Variants in GRM7 observed in about 807,000 individuals in gnomAD.
The protein encoded by GRM7 is metabotropic glutamate receptor 7.
GRM7 carries 35 observed loss-of-function variants against 84.5 expected under a neutral mutation model. The ratio of observed to expected loss-of-function variants is 0.41; its 90% CI spans 0.32 to 0.55. The LOEUF (loss-of-function observed/expected upper bound fraction) is 0.55. GRM7 is among the 20% of genes least tolerant of loss of function. The probability of loss-of-function intolerance (pLI) is 0.19; values close to 1 mark genes in which losing one functional copy is unlikely to be tolerated. For synonymous variants in GRM7, 487 were observed against 455.1 expected (o/e 1.07, Z -0.89); for missense variants, 1,003 against 1,194.6 (o/e 0.84, Z 2.36).
intron 9 of GRM7, among the ~76,000 whole-genome samples, chr3:7,726,625 A>G (rs1156390812): frequency 2.2e-5 from 1 of 46,190 alleles, no homozygotes; most frequent in African/African-American, 8.9e-5. Flanking sequence ...ATATATATAT[A>G]TATATATATA....
At chr3:7,714,886 G>C (rs1365258633) in intron 9 of GRM7, among the ~76,000 whole-genome samples, 1 of 152,158 alleles carries the variant, frequency 6.6e-6, no homozygotes, top group African/African-American at 2.4e-5. Context: ...GTTTGCAGGT[G>C]CAAAATGCTA....
intron 2 of GRM7, among the ~76,000 whole-genome samples, chr3:7,195,566 G>T (rs1278145001): frequency 2.0e-5 from 3 of 152,128 alleles, no homozygotes; most frequent in African/African-American, 7.2e-5. Flanking sequence ...TGGGAGCCAT[G>T]GAATTAAATT....
intron 1 of GRM7, among the ~76,000 whole-genome samples, chr3:6,981,576 A>G (rs1694200806): frequency 6.6e-6 from 1 of 152,198 alleles, no homozygotes; most frequent in African/African-American, 2.4e-5. Flanking sequence ...GATGGAGGGA[A>G]GGCACCTTCC....
chr3:7,075,650 T>C (rs1355528548), intron 1 of GRM7, among the ~76,000 whole-genome samples: 1 of 151,878 alleles, frequency 6.6e-6, no homozygotes, highest in Non-Finnish European at 1.5e-5. Flanking sequence ...CTCAACCTCC[T>C]GAGTAGCTGG....
chr3:6,983,476 GA>G (rs779742557), intron 1 of GRM7, among the ~76,000 whole-genome samples: 18 of 151,902 alleles, frequency 1.2e-4, no homozygotes, highest in Non-Finnish European at 2.4e-4. Flanking sequence ...GAAGTTAATT[GA>G]TTTTTTTTAA....
chr3:6,980,105 A>G (rs1311015296), intron 1 of GRM7, among the ~76,000 whole-genome samples: 5 of 152,080 alleles, frequency 3.3e-5, no homozygotes, highest in Non-Finnish European at 7.4e-5. Flanking sequence ...TATTTTTCTA[A>G]CTTCATATAT....
At chr3:7,674,914 G>A (rs868751108) in intron 8 of GRM7, among the ~76,000 whole-genome samples, 42 of 152,218 alleles carry the variant, frequency 2.8e-4, no homozygotes, top group South Asian at 1.0e-3. Context: ...TGTACAAGTA[G>A]TGGAAGAGTA....
chr3:7,102,183 G>A lies in GRM7; in HGVS notation c.520-44269G>A, dbSNP rs79397187. On this transcript the variant is annotated intron_variant, in intron 1 of 9. Transcript: ENST00000357716. ...CCTTCAGCCTAAAAAAGTGGTTTTA[G>A]CATTTCTTGCATGCAGTTCTGCTGC... 7.7e-3 allele frequency among the ~76,000 whole-genome samples: 1,170 copies of A among 151,752 alleles called. 18 individuals carry two copies. Among genetic ancestry groups the A allele is most frequent in the African/African-American group, 0.027 (1,107 of 41,470 alleles).
chr3:7,496,478 A>C (rs1305896758), intron 7 of GRM7, among the ~76,000 whole-genome samples: 1 of 152,222 alleles, frequency 6.6e-6, no homozygotes, highest in Non-Finnish European at 1.5e-5. Context: ...AAACAAGCTG[A>C]GAAACTTTTC....
chr3:7,099,713 TGTGCAC>T (rs1574902567), intron 1 of GRM7, among the ~76,000 whole-genome samples: 1 of 83,592 alleles, frequency 1.2e-5, no homozygotes, highest in Non-Finnish European at 2.0e-5. Flanking sequence ...GCATTATACA[TGTGCAC>T]ATACATGTAT....
intron 4 of GRM7, among the ~76,000 whole-genome samples, chr3:7,356,455 C>T (rs1277924790): frequency 1.3e-5 from 2 of 152,004 alleles, no homozygotes; most frequent in Non-Finnish European, 2.9e-5. Context: ...GCATGTGCCA[C>T]CACGCCTGGT....
chr3:7,488,914 CTG>C (rs914741003), intron 7 of GRM7, among the ~76,000 whole-genome samples: 3 of 144,492 alleles, frequency 2.1e-5, no homozygotes, highest in Non-Finnish European at 4.6e-5. Context: ...ACTACATAGA[CTG>C]TGTATCAAAT....
chr3:7,728,333 C>CA (rs531316985), intron 9 of GRM7, among the ~76,000 whole-genome samples: 40 of 152,260 alleles, frequency 2.6e-4, no homozygotes, highest in Admixed American at 4.6e-4. Flanking sequence ...GACCAACTCA[C>CA]AATTGTAAAG....
At chr3:7,234,762 T>C (rs1016494518) in intron 2 of GRM7, among the ~76,000 whole-genome samples, 2 of 152,206 alleles carry the variant, frequency 1.3e-5, no homozygotes, top group Non-Finnish European at 2.9e-5. Flanking sequence ...TATGGAGAGA[T>C]AATTTGTTAA....
intron 4 of GRM7, among the ~76,000 whole-genome samples, chr3:7,354,788 A>G (rs1693318270): frequency 6.6e-6 from 1 of 152,188 alleles, no homozygotes; most frequent in Non-Finnish European, 1.5e-5. Context: ...ATCTTCTGGT[A>G]CCTGGTATGT....
chr3:7,627,980 T>C (rs965962428), intron 8 of GRM7, among the ~76,000 whole-genome samples: 2 of 152,188 alleles, frequency 1.3e-5, no homozygotes, highest in African/African-American at 4.8e-5. Context: ...CTATGAATTG[T>C]GTGAGAGACA....
intron 1 of GRM7, among the ~76,000 whole-genome samples, chr3:6,918,120 T>G (rs78768908): frequency 0.083 from 12,643 of 152,180 alleles, 578 homozygotes; most frequent in Admixed American, 0.11. Context: ...TCTCTGTGAG[T>G]CAGGTAAAAC....
intron 1 of GRM7, among the ~76,000 whole-genome samples, chr3:7,021,131 TC>T (rs1241775511): frequency 6.6e-6 from 1 of 152,164 alleles, no homozygotes; most frequent in Non-Finnish European, 1.5e-5. Flanking sequence ...TTCTCTCTCC[TC>T]CCCAGCAAAT....
chr3:7,730,082 A>G, intron 9 of GRM7, among the ~76,000 whole-genome samples: 1 of 142,722 alleles, frequency 7.0e-6, no homozygotes, highest in Admixed American at 6.9e-5. Flanking sequence ...ACCATGTTGG[A>G]CAGGCTGGTT....
Sources: allele counts gnomAD v4.1 joint callset (sites outside exome capture counted in the v4.1 genomes callset), GRCh38; gene constraint gnomAD v4.1.1; transcripts MANE v1.5; gene names NCBI Gene and HGNC (gene_info 2026-07-23, HGNC 2026-07-21).